The following DMD variants were observed in gnomAD, a reference collection of about 807,000 sequenced individuals.
DMD encodes the protein mutant dystrophin.
A neutral mutation model predicts 330.1 loss-of-function variants in DMD; 63 were observed. The ratio of observed to expected loss-of-function variants is 0.19; its 90% CI spans 0.16 to 0.24. The LOEUF is 0.24. Ranked by LOEUF, DMD falls within the 10% of genes least tolerant of loss-of-function variation. DMD has a pLI of 1.00. For synonymous variants in DMD, 1,223 were observed against 959.8 expected, an observed-to-expected ratio of 1.27 and a Z score of -5.07; for missense variants, 3,344 against 2,684.1, an observed-to-expected ratio of 1.25 and a Z score of -5.43.
chrX:31,680,890 T>C (rs1048073831), intron 52 of DMD, among the ~76,000 whole-genome samples: 2 of 112,094 alleles, frequency 1.8e-5, no homozygotes, highest in African/African-American at 3.2e-5. Flanking sequence ...ATAAAAATAA[T>C]ACAGAAAACA....
chrX:32,437,094 C>A (rs5972568), intron 29 of DMD, among the ~76,000 whole-genome samples: 1,876 of 112,239 alleles, frequency 0.017, 42 homozygotes, highest in African/African-American at 0.053. Flanking sequence ...TTCCATATCA[C>A]AACCCACATT....
intron 1 of DMD, among the ~76,000 whole-genome samples, chrX:33,178,175 A>T (rs984324896): frequency 9.0e-6 from 1 of 110,807 alleles, no homozygotes; most frequent in East Asian, 2.8e-4. Context: ...GTAAGCAGAA[A>T]TATCCAGTGG....
chrX:31,393,202 G>T (rs2060754444), intron 60 of DMD, among the ~76,000 whole-genome samples: 1 of 111,704 alleles, frequency 9.0e-6, no homozygotes, highest in South Asian at 3.7e-4. Flanking sequence ...TCTTGGCTGG[G>T]CATGGTGGCT....
At chrX:32,690,928 C>T (rs982754090) in intron 9 of DMD, among the ~76,000 whole-genome samples, 1 of 110,628 alleles carries the variant, frequency 9.0e-6, no homozygotes, top group Non-Finnish European at 1.9e-5. Flanking sequence ...CATTCATCCT[C>T]GCAATTATTT....
In DMD at chrX:32,943,327, G is replaced by A. The variant is rs1602103646; in HGVS notation, c.93+76812C>T. ...TTTTAAAATTCCAATAAGAAAAAAT[G>A]AGAGACTTAAAATTAGGTAGGAATG... On this transcript the variant is annotated intron_variant, in intron 2 of 78. Coordinates refer to ENST00000357033, the MANE Select transcript of DMD (RefSeq NM_004006.3). Among the ~76,000 whole-genome samples the A allele has an allele frequency of 3.6e-5, 4 of 111,337 alleles. No homozygotes were observed. The Admixed American group carries it at 3.8e-4, about 11-fold the overall frequency.
At chrX:32,722,127 C>A (rs1385930728) in intron 7 of DMD, among the ~76,000 whole-genome samples, 1 of 109,300 alleles carries the variant, frequency 9.1e-6, no homozygotes, top group East Asian at 2.9e-4. Flanking sequence ...ATTGTTCTGG[C>A]TATTTGGGAT....
chrX:33,319,676 T>C (rs919451965), intron 1 of DMD, among the ~76,000 whole-genome samples: 4 of 112,240 alleles, frequency 3.6e-5, no homozygotes, highest in African/African-American at 1.3e-4. Flanking sequence ...CAGATGTAAA[T>C]CTAGCAGAAT....
chrX:32,942,205 C>T (rs1323301115), intron 2 of DMD, among the ~76,000 whole-genome samples: 1 of 111,591 alleles, frequency 9.0e-6, no homozygotes, highest in Non-Finnish European at 1.9e-5. Flanking sequence ...TAGGAATTTC[C>T]TATGTCGTTA....
chrX:32,522,116 G>C (rs930849930), intron 17 of DMD, among the ~76,000 whole-genome samples: 1 of 111,859 alleles, frequency 8.9e-6, no homozygotes, highest in African/African-American at 3.3e-5. Flanking sequence ...TTTTGTTACA[G>C]CAAACCAACT....
chrX:31,988,473 C>CAAA (rs11352664), intron 44 of DMD, among the ~76,000 whole-genome samples: 1 of 24,148 alleles, frequency 4.1e-5, no homozygotes, highest in African/African-American at 1.5e-4. Context: ...GACTCCATCT[C>CAAA]AAAAAAAAAA....
At chrX:32,424,142 C>CA (rs1349237536) in intron 29 of DMD, among the ~76,000 whole-genome samples, 1 of 110,381 alleles carries the variant, frequency 9.1e-6, no homozygotes, top group African/African-American at 3.3e-5. Flanking sequence ...GTCCACCACT[C>CA]AGCTGAAAAT....
intron 63 of DMD, among the ~76,000 whole-genome samples, chrX:31,228,873 A>G (rs1415818392): frequency 1.8e-5 from 2 of 112,157 alleles, no homozygotes; most frequent in East Asian, 2.8e-4. Flanking sequence ...AACTTGTATT[A>G]TTTTATCCAG....
intron 2 of DMD, among the ~76,000 whole-genome samples, chrX:32,901,626 T>A (rs1388674988): frequency 9.0e-6 from 1 of 111,475 alleles, no homozygotes; most frequent in East Asian, 2.8e-4. Flanking sequence ...AGCAGCTGTT[T>A]CAAAACCTAG....
chrX:32,173,692 T>G (rs1397851079), intron 44 of DMD, among the ~76,000 whole-genome samples: 1 of 112,022 alleles, frequency 8.9e-6, no homozygotes, highest in Non-Finnish European at 1.9e-5. Flanking sequence ...ATCTTATAAA[T>G]AAGACTAATC....
chrX:32,567,300 G>C (rs1279731031), intron 15 of DMD, among the ~76,000 whole-genome samples: 1 of 112,361 alleles, frequency 8.9e-6, no homozygotes, highest in Non-Finnish European at 1.9e-5. Flanking sequence ...TTCTAAGTTT[G>C]AAAGAATGCA....
At chrX:31,920,277 G>GTT (rs2094671710) in intron 47 of DMD, among the ~76,000 whole-genome samples, 1 of 111,963 alleles carries the variant, frequency 8.9e-6, no homozygotes, top group African/African-American at 3.2e-5. Flanking sequence ...AAATCACCCT[G>GTT]TTATTTTACT....
At chrX:32,750,142 A>AT (rs1287611156) in intron 7 of DMD, among the ~76,000 whole-genome samples, 1 of 112,088 alleles carries the variant, frequency 8.9e-6, no homozygotes, top group Non-Finnish European at 1.9e-5. Flanking sequence ...ATAAACAGAG[A>AT]TTTTTCCCTA....
chrX:33,050,954 C>T (rs900853504), intron 1 of DMD, among the ~76,000 whole-genome samples: 3 of 111,144 alleles, frequency 2.7e-5, no homozygotes, highest in Admixed American at 1.9e-4. Flanking sequence ...TTCTTCTAGG[C>T]CGTTCTCAGA....
chrX:32,541,442 G>T (rs2048470781), intron 17 of DMD, among the ~76,000 whole-genome samples: 1 of 112,035 alleles, frequency 8.9e-6, no homozygotes, highest in Non-Finnish European at 1.9e-5. Context: ...TGTATTAAAT[G>T]CTTATTTAAT....
Sources: allele counts gnomAD v4.1 joint callset (sites outside exome capture counted in the v4.1 genomes callset), GRCh38; gene constraint gnomAD v4.1.1; transcripts MANE v1.5; gene names NCBI Gene and HGNC (gene_info 2026-07-23, HGNC 2026-07-21).